SYT1: variants seen among roughly 807,000 people sequenced by gnomAD.
SYT1 encodes the protein synaptotagmin-1.
Under a neutral mutation model 44.8 loss-of-function variants are expected in SYT1, and 8 were observed. The ratio of observed to expected loss-of-function variants is 0.18; its 90% CI spans 0.10 to 0.32. The LOEUF (loss-of-function observed/expected upper bound fraction) is 0.32, where lower values mean the gene tolerates loss of function less well. Ranked by LOEUF, SYT1 falls within the 10% of genes least tolerant of loss-of-function variation. The pLI, the probability that SYT1 is intolerant of heterozygous loss-of-function variation, is 1.00. For missense variants in SYT1, 286 were observed against 509.3 expected, an observed-to-expected ratio of 0.56 and a Z score of 4.22; for synonymous variants, 154 against 188.8, an observed-to-expected ratio of 0.82 and a Z score of 1.51.
intron 1 of SYT1, among the ~76,000 whole-genome samples, chr12:78,954,363 T>C (rs1309191409): frequency 6.6e-6 from 1 of 152,048 alleles, no homozygotes; most frequent in South Asian, 2.1e-4. Context: ...GAGCAGGTAT[T>C]TGATTTTTTT....
intron 8 of SYT1, among the ~76,000 whole-genome samples, chr12:79,302,862 G>A (rs1455846062): frequency 6.6e-6 from 1 of 152,034 alleles, no homozygotes; most frequent in Non-Finnish European, 1.5e-5. Context: ...TCTTGTTTTT[G>A]TTTCTTTAAA....
At chr12:78,900,594 T>C (rs775580897) in intron 1 of SYT1, among the ~76,000 whole-genome samples, 25 of 148,844 alleles carry the variant, frequency 1.7e-4, no homozygotes, top group Non-Finnish European at 3.3e-4. Flanking sequence ...GTCTGAAAAA[T>C]GGAGAGAAGG....
At chr12:79,276,977 G>C (rs963264361) in intron 4 of SYT1, among the ~76,000 whole-genome samples, 1 of 151,248 alleles carries the variant, frequency 6.6e-6, no homozygotes, top group Admixed American at 6.6e-5. Context: ...GGAGGAAGAG[G>C]AGGAGGAGGA....
intron 3 of SYT1, among the ~76,000 whole-genome samples, chr12:79,200,986 A>G (rs993030788): frequency 1.3e-5 from 2 of 152,162 alleles, no homozygotes; most frequent in Non-Finnish European, 2.9e-5. Context: ...TTGGAATCAG[A>G]GGGTTATCAC....
intron 4 of SYT1, among the ~76,000 whole-genome samples, chr12:79,243,567 A>G (rs1876640440): frequency 6.6e-6 from 1 of 152,172 alleles, no homozygotes; most frequent in Admixed American, 6.5e-5. Flanking sequence ...CTGCTTCGAA[A>G]TTCAAGCATC....
chr12:79,130,279 T>G (rs772918338), intron 3 of SYT1, among the ~76,000 whole-genome samples: 1 of 152,192 alleles, frequency 6.6e-6, no homozygotes, highest in African/African-American at 2.4e-5. Flanking sequence ...TATTAGTTGA[T>G]CTATAGCAGG....
chr12:79,106,348 C>A lies in SYT1; in HGVS notation c.-18+58986C>A, dbSNP rs117697292. On this transcript the variant is annotated intron_variant, in intron 3 of 10. Transcript: ENST00000261205. Reference sequence around the variant, plus strand: ...TTTATGAATGAGATAGGCGAGTGATCCACATGGTCAAAGGAAAGCCAGAAG... The same window carrying A: ...TTTATGAATGAGATAGGCGAGTGATACACATGGTCAAAGGAAAGCCAGAAG... 1.6e-4 allele frequency among the ~76,000 whole-genome samples: 24 copies of A among 152,230 alleles called. No homozygotes were observed. In the East Asian group the frequency reaches 4.6e-3, roughly 29 times the overall value.
At chr12:79,437,499 T>C (rs1870157652) in intron 9 of SYT1, among the ~76,000 whole-genome samples, 1 of 152,194 alleles carries the variant, frequency 6.6e-6, no homozygotes, top group South Asian at 2.1e-4. Flanking sequence ...TCAGTAGGTA[T>C]CTGTCTGCAG....
At position 79,001,518 on chromosome 12, in the gene SYT1, C is replaced by T. The variant is rs140252867; in HGVS notation, c.-84+23587C>T. On this transcript the variant is annotated intron_variant, in intron 2 of 10. Coordinates refer to ENST00000261205, the MANE Select transcript of SYT1 (RefSeq NM_005639.3). ...TTAGAAGACTAAAGATGTTACACTG[C>T]TCTCTCTACGATCCATTCTAATGGT... 9.2e-5 allele frequency among the ~76,000 whole-genome samples: 14 copies of T among 152,246 alleles called. No homozygotes were observed. In the East Asian group the frequency reaches 2.7e-3, roughly 29 times the overall value.
intron 3 of SYT1, among the ~76,000 whole-genome samples, chr12:79,206,409 A>G (rs562963044): frequency 6.6e-5 from 10 of 152,354 alleles, no homozygotes; most frequent in South Asian, 6.2e-4. Context: ...CTGGAACATC[A>G]GCAGGAATAA....
Position 79,087,487 on chromosome 12 carries a change from A to G in SYT1, c.-18+40125A>G, listed in dbSNP as rs142507760. ...TGTCTCATCTATTCATCTAACAAGCATGTATTTGGCACCTCCTGTATGTCT... is the reference window on the plus strand; with the variant it reads ...TGTCTCATCTATTCATCTAACAAGCGTGTATTTGGCACCTCCTGTATGTCT... On this transcript the variant is annotated intron_variant, in intron 3 of 10. Transcript: ENST00000261205. 2.2e-4 allele frequency among the ~76,000 whole-genome samples: 34 copies of G among 152,248 alleles called. No homozygotes were observed. In the East Asian group the frequency reaches 6.4e-3, roughly 29 times the overall value.
chr12:79,057,240 C>G (rs1875017830), intron 3 of SYT1, among the ~76,000 whole-genome samples: 1 of 151,948 alleles, frequency 6.6e-6, no homozygotes, highest in African/African-American at 2.4e-5. Context: ...ATCCTCTGTT[C>G]TTATGGTTAA....
chr12:79,220,721 T>G (rs1187995198), intron 4 of SYT1, among the ~76,000 whole-genome samples: 1 of 152,152 alleles, frequency 6.6e-6, no homozygotes, highest in Non-Finnish European at 1.5e-5. Flanking sequence ...TTAATTTCCA[T>G]GTATTTGTGC....
At chr12:78,869,270 G>T (rs145785597) in intron 1 of SYT1, among the ~76,000 whole-genome samples, 1 of 151,958 alleles carries the variant, frequency 6.6e-6, no homozygotes, top group Non-Finnish European at 1.5e-5. Flanking sequence ...TGTTCTTGAG[G>T]AGCTAGTTTT....
intron 2 of SYT1, among the ~76,000 whole-genome samples, chr12:79,017,364 A>G (rs1339680329): frequency 6.6e-6 from 1 of 152,194 alleles, no homozygotes; most frequent in Non-Finnish European, 1.5e-5. Context: ...AAAATAACCA[A>G]GCATGTAAGC....
chr12:79,322,438 A>G (rs1881408587), intron 8 of SYT1, among the ~76,000 whole-genome samples: 1 of 152,144 alleles, frequency 6.6e-6, no homozygotes, highest in African/African-American at 2.4e-5. Context: ...TGTTTTTATT[A>G]GTTCATCTTT....
chr12:79,366,727 T>C (rs991081808), intron 9 of SYT1, among the ~76,000 whole-genome samples: 2 of 152,198 alleles, frequency 1.3e-5, no homozygotes. Flanking sequence ...AGCCATATTG[T>C]TGAATAAACA....
intron 1 of SYT1, among the ~76,000 whole-genome samples, chr12:78,937,075 T>C (rs889851952): frequency 6.6e-6 from 1 of 152,158 alleles, no homozygotes; most frequent in African/African-American, 2.4e-5. Context: ...GGAGGAAATA[T>C]TTTGCAATTA....
At chr12:78,867,537 T>A (rs1231930417) in intron 1 of SYT1, among the ~76,000 whole-genome samples, 2 of 152,056 alleles carry the variant, frequency 1.3e-5, no homozygotes, top group African/African-American at 4.8e-5. Context: ...TTTCATACAA[T>A]CTTTGTTTTT....
Sources: allele counts gnomAD v4.1 joint callset (sites outside exome capture counted in the v4.1 genomes callset), GRCh38; gene constraint gnomAD v4.1.1; transcripts MANE v1.5; gene names NCBI Gene and HGNC (gene_info 2026-07-23, HGNC 2026-07-21).